The following LONP1 variants were observed in gnomAD, a reference collection of about 807,000 sequenced individuals.
The protein encoded by LONP1 is lon peptidase 1, mitochondrial.
A neutral mutation model predicts 98.5 loss-of-function variants in LONP1; 31 were observed. That is an observed-to-expected ratio of 0.31 (90% CI 0.24 to 0.42). The LOEUF is 0.42. LONP1 is among the 20% of genes least tolerant of loss of function. The pLI, the probability that LONP1 is intolerant of heterozygous loss-of-function variation, is 1.00. For missense variants in LONP1, 1,336 were observed against 1,350.6 expected (o/e 0.99, Z 0.17); for synonymous variants, 781 against 594.7 (o/e 1.31, Z -4.56).
At chr19:5,713,385 C>G in intron 2 of LONP1, 132 bp from the exon 3 acceptor site, 1 of 1,150,504 alleles carries the variant, frequency 8.7e-7, no homozygotes, top group Non-Finnish European at 1.3e-6. Flanking sequence ...GAGCGGCCTC[C>G]TTGGCTCCCG....
At chr19:5,700,145 C>T (rs1230229288) in intron 9 of LONP1, among the ~76,000 whole-genome samples, 1 of 152,038 alleles carries the variant, frequency 6.6e-6, no homozygotes, top group Non-Finnish European at 1.5e-5. Context: ...CGGAGTTTCA[C>T]TCTTGTTGCC....
chr19:5,692,837 C>G (rs755578822), intron 17 of LONP1, among the ~76,000 whole-genome samples: 1 of 152,118 alleles, frequency 6.6e-6, no homozygotes, highest in Non-Finnish European at 1.5e-5. Flanking sequence ...ACTGACTGCA[C>G]CAGGCTTCCT....
intron 1 of LONP1, among the ~76,000 whole-genome samples, chr19:5,717,015 C>G (rs1329005835): frequency 6.6e-6 from 1 of 152,142 alleles, no homozygotes; most frequent in East Asian, 1.9e-4. Context: ...AGTATGGTCT[C>G]GATCTCCTGA....
At chr19:5,720,166 G>T, upstream of LONP1, 1 of 1,387,262 alleles carries the variant, frequency 7.2e-7, no homozygotes, top group Non-Finnish European at 9.3e-7. Flanking sequence ...CACAACTCGC[G>T]TCATTTCCGC....
At chr19:5,719,458 G>C (rs907441951) in intron 1 of LONP1, among the ~76,000 whole-genome samples, 4 of 152,120 alleles carry the variant, frequency 2.6e-5, no homozygotes, top group African/African-American at 4.8e-5. Context: ...GTTCTAAAGT[G>C]GATAATCCTA....
chr19:5,693,766 C>A lies in LONP1; in HGVS notation c.2324G>T (p.Gly775Val). 6.2e-7 allele frequency: 1 copy of A among 1,612,962 alleles called. No individual in the cohort carries two copies. Among genetic ancestry groups the A allele is most frequent in the Non-Finnish European group, 8.5e-7 (1 of 1,179,582 alleles). Reference sequence around the variant, plus strand: ...GGATGTCTCCACAAACAGCGTGGAGCCTCCTGAAACAGGTGTGGAGCTGTG... The same window carrying A: ...GGATGTCTCCACAAACAGCGTGGAGACTCCTGAAACAGGTGTGGAGCTGTG... Reference protein sequence around the residue: ...VMGLAWTAMGGSTLFVETSLR... With the variant: ...VMGLAWTAMGVSTLFVETSLR... Residue 775 changes from glycine to valine, a missense_variant, in exon 16 of 18, where the codon GGC becomes GTC. Gly to Val is a moderately radical substitution (Grantham distance 109). Transcript: ENST00000360614.
Position 5,692,212 on chromosome 19 carries a change from G to T in LONP1, c.2704-4C>A, listed in dbSNP as rs200560013. On this transcript the variant is annotated splice_polypyrimidine_tract_variant and splice_region_variant and intron_variant, in intron 17 of 17. Transcript: ENST00000360614. ...ACGTCACCCCTGCGCGCTTGGCCTG[G>T]GGGCAGAGTCAGGGTCAGCCCTGCC... is the stretch of plus-strand genomic sequence containing the variant. The T allele has an allele frequency of 1.0e-4, 164 of 1,609,378 alleles. No individual in the cohort carries two copies. The East Asian group carries it at 2.7e-3, about 26-fold the overall frequency.
In LONP1 at chr19:5,708,167, G is replaced by A. The variant is rs576946930; in HGVS notation, c.932+175C>T. On this transcript the variant is annotated intron_variant, in intron 5 of 17. Transcript: ENST00000360614. Reference sequence around the variant, plus strand: ...AAACTGGGCCTGCTGAGTCGGCCCCGGGCCTCCCACCTGCCCCATGCCCCA... The same window carrying A: ...AAACTGGGCCTGCTGAGTCGGCCCCAGGCCTCCCACCTGCCCCATGCCCCA... The A allele has an allele frequency of 1.2e-4, 82 of 659,610 alleles. No individual in the cohort carries two copies. In the Middle Eastern group the frequency reaches 2.1e-3, roughly 17 times the overall value. 40.9% of individuals were successfully genotyped at this position (659,610 alleles called of 1,614,324 possible).
chr19:5,711,045 A>G (rs1216609163), intron 4 of LONP1, among the ~76,000 whole-genome samples: 1 of 152,054 alleles, frequency 6.6e-6, no homozygotes, highest in East Asian at 1.9e-4. Context: ...AAAGAAAAAA[A>G]AAAACCTCGC....
chr19:5,696,550 G>A (rs1188119365), intron 11 of LONP1, 120 bp downstream of exon 11: 24 of 1,295,744 alleles, frequency 1.9e-5, no homozygotes, highest in Admixed American at 6.4e-5. Flanking sequence ...GTGCCATCAG[G>A]GCCAGCATCA....
chr19:5,716,673 T>A (rs2055329637), intron 1 of LONP1, among the ~76,000 whole-genome samples: 1 of 152,062 alleles, frequency 6.6e-6, no homozygotes, highest in African/African-American at 2.4e-5. Flanking sequence ...ACCTCTGTAC[T>A]GTAAGGAAAA....
intron 8 of LONP1, among the ~76,000 whole-genome samples, chr19:5,703,891 G>C (rs976246060): frequency 1.3e-5 from 2 of 152,206 alleles, no homozygotes; most frequent in Admixed American, 1.3e-4. Context: ...TGCTTCTGCA[G>C]GACAAGGCCC....
At chr19:5,709,667 T>C (rs1051577831) in intron 4 of LONP1, among the ~76,000 whole-genome samples, 1 of 151,908 alleles carries the variant, frequency 6.6e-6, no homozygotes, top group Non-Finnish European at 1.5e-5. Context: ...CCCAGCACTT[T>C]GGGATGCTAA....
intron 4 of LONP1, 169 bp from the exon 5 acceptor site, chr19:5,708,572 G>C: frequency 1.6e-6 from 1 of 613,300 alleles, no homozygotes; most frequent in Non-Finnish European, 2.9e-6. Context: ...TGCAGTCCCT[G>C]GTGGACTCAC....
intron 10 of LONP1, among the ~76,000 whole-genome samples, chr19:5,697,465 GAAGA>G (rs2054955788): frequency 7.4e-6 from 1 of 135,636 alleles, no homozygotes; most frequent in Admixed American, 7.2e-5. Context: ...TGGTGTGTTA[GAAGA>G]ACAGTGAGGA....
chr19:5,694,289 C>T, intron 15 of LONP1, 98 bp downstream of exon 15: 6 of 1,503,398 alleles, frequency 4.0e-6, no homozygotes, highest in Non-Finnish European at 5.4e-6. Flanking sequence ...CGTTCAGAGC[C>T]ACCTGAGGCC....
intron 8 of LONP1, among the ~76,000 whole-genome samples, chr19:5,703,064 C>T (rs1305812822): frequency 2.6e-5 from 4 of 151,834 alleles, no homozygotes; most frequent in Admixed American, 1.3e-4. Context: ...ACCTGTAGTT[C>T]CAGCTACTCG....
chr19:5,697,965 T>G (rs1428603621), intron 10 of LONP1, among the ~76,000 whole-genome samples: 1 of 151,660 alleles, frequency 6.6e-6, no homozygotes, highest in Non-Finnish European at 1.5e-5. Context: ...CAGGAAGGAC[T>G]GGGTGCCCCC....
At chr19:5,693,912 G>A (rs965428775) in intron 15 of LONP1, 143 bp from the exon 16 acceptor site, 2 of 693,358 alleles carry the variant, frequency 2.9e-6, no homozygotes, top group African/African-American at 1.8e-5. Flanking sequence ...CCCATCGTGA[G>A]CCAACGCTGG....
Sources: allele counts gnomAD v4.1 joint callset (sites outside exome capture counted in the v4.1 genomes callset), GRCh38; gene constraint gnomAD v4.1.1; transcripts MANE v1.5; gene names NCBI Gene and HGNC (gene_info 2026-07-23, HGNC 2026-07-21).